CLASP2: variants seen among roughly 807,000 people sequenced by gnomAD.
CLASP2 encodes CLIP-associating protein 2.
Under a neutral mutation model 194.4 loss-of-function variants are expected in CLASP2, and 47 were observed. That is an observed-to-expected ratio of 0.24 (90% CI 0.19 to 0.31). CLASP2 has a LOEUF of 0.31. Ranked by LOEUF, CLASP2 falls within the 10% of genes least tolerant of loss-of-function variation. The probability of loss-of-function intolerance (pLI) is 1.00; values close to 1 mark genes in which losing one functional copy is unlikely to be tolerated. For synonymous variants in CLASP2, 619 were observed against 633.5 expected (o/e 0.98, Z 0.34); for missense variants, 1,445 against 1,823.6 (o/e 0.79, Z 3.78).
chr3:33,552,957 T>C (rs1252113243), intron 29 of CLASP2, among the ~76,000 whole-genome samples: 3 of 152,190 alleles, frequency 2.0e-5, no homozygotes, highest in Admixed American at 6.5e-5. Flanking sequence ...GCATATGACA[T>C]AGTACACAGT....
chr3:33,703,921 C>T (rs2092534233), intron 1 of CLASP2, among the ~76,000 whole-genome samples: 1 of 152,194 alleles, frequency 6.6e-6, no homozygotes, highest in Admixed American at 6.5e-5. Flanking sequence ...AGGAAATGAG[C>T]TATCAAGGCA....
At chr3:33,660,243 G>C (rs535518716) in intron 7 of CLASP2, among the ~76,000 whole-genome samples, 1 of 152,280 alleles carries the variant, frequency 6.6e-6, no homozygotes, top group South Asian at 2.1e-4. Context: ...TAATCGCAGG[G>C]GGTCTCCAAC....
chr3:33,681,444 C>G (rs1439558474), intron 6 of CLASP2, among the ~76,000 whole-genome samples: 2 of 135,592 alleles, frequency 1.5e-5, no homozygotes, highest in Non-Finnish European at 3.3e-5. Flanking sequence ...CCCGTAAAGT[C>G]GCCTTGCTCT....
At chr3:33,519,529 GA>G (rs1411685147) in intron 34 of CLASP2, among the ~76,000 whole-genome samples, 1 of 151,836 alleles carries the variant, frequency 6.6e-6, no homozygotes, top group Non-Finnish European at 1.5e-5. Flanking sequence ...GAGAATAAAA[GA>G]AAAATCAGAA....
rs886859075 is a variant in CLASP2, at chr3:33,535,456, A to G, written c.3564T>C (p.Cys1188=). The G allele has an allele frequency of 1.7e-5, 28 of 1,612,554 alleles. No homozygotes were observed. Among genetic ancestry groups the G allele is most frequent in the Non-Finnish European group, 2.2e-5 (26 of 1,178,960 alleles). Residue 1188 remains cysteine (C), a synonymous_variant, in exon 34 of 39, where the codon TGT becomes TGC. Coordinates refer to ENST00000682230, the MANE Select transcript of CLASP2 (RefSeq NM_001365631.1). ...DSKKDDGDSM[C]GGPGMSDPRA... is the part of the protein sequence containing the mutation. Reference sequence around the variant, plus strand: ...TTGGGTCAGACATCCCAGGACCACCACACATCTATCAATGGGAAGTGAAAG... The same window carrying G: ...TTGGGTCAGACATCCCAGGACCACCGCACATCTATCAATGGGAAGTGAAAG...
chr3:33,668,909 G>A (rs925742921), intron 6 of CLASP2, among the ~76,000 whole-genome samples: 3 of 152,206 alleles, frequency 2.0e-5, no homozygotes, highest in Non-Finnish European at 4.4e-5. Flanking sequence ...GGGAGAAATG[G>A]TAAGAATGGC....
chr3:33,498,516 A>G lies in CLASP2; in HGVS notation c.*115T>C, dbSNP rs938547974. On this transcript the variant is annotated 3_prime_UTR_variant, in exon 39 of 39. Transcript: ENST00000682230. Reference sequence around the variant, plus strand: ...CAAAACGAAACGAAACAAAAAACTAAAACTGGGAAACAATAGTAAGTTCCA... The same window carrying G: ...CAAAACGAAACGAAACAAAAAACTAGAACTGGGAAACAATAGTAAGTTCCA... 4 of 636,256 alleles carry G rather than the reference A, an allele frequency of 6.3e-6. No individual in the cohort carries two copies. The African/African-American group carries it at 7.4e-5, about 12-fold the overall frequency. 39.4% of individuals were successfully genotyped at this position (636,256 alleles called of 1,614,324 possible).
intron 6 of CLASP2, among the ~76,000 whole-genome samples, chr3:33,670,464 T>C (rs545646040): frequency 6.6e-6 from 1 of 152,220 alleles, no homozygotes; most frequent in Non-Finnish European, 1.5e-5. Flanking sequence ...TTCCTGCCTC[T>C]GATTTCCATA....
intron 21 of CLASP2, chr3:33,588,750 A>G: frequency 1.4e-6 from 1 of 702,240 alleles, no homozygotes; most frequent in South Asian, 1.5e-5. Flanking sequence ...GTGTAAAGGC[A>G]GAATTAGGGT....
intron 1 of CLASP2, among the ~76,000 whole-genome samples, chr3:33,699,839 C>T (rs1191940999): frequency 2.8e-5 from 4 of 144,250 alleles, no homozygotes; most frequent in Admixed American, 1.4e-4. Context: ...TAAGTGAAAC[C>T]GTAGAAAGCA....
intron 29 of CLASP2, among the ~76,000 whole-genome samples, chr3:33,551,795 C>T (rs548104225): frequency 2.6e-5 from 4 of 152,170 alleles, no homozygotes; most frequent in Non-Finnish European, 5.9e-5. Flanking sequence ...TAAATCAGCC[C>T]TCAGAGCTTA....
chr3:33,574,304 A>G (rs946485257), intron 24 of CLASP2, among the ~76,000 whole-genome samples: 26 of 152,146 alleles, frequency 1.7e-4, no homozygotes, highest in African/African-American at 5.3e-4. Flanking sequence ...TCCAGAGGAC[A>G]TTATTCAAGC....
intron 6 of CLASP2, among the ~76,000 whole-genome samples, chr3:33,675,212 A>AGTACTG (rs1205291936): frequency 2.0e-5 from 3 of 151,744 alleles, no homozygotes; most frequent in African/African-American, 7.2e-5. Context: ...AACCGAATCC[A>AGTACTG]GCAGCACATC....
intron 33 of CLASP2, 64 bp from the exon 34 acceptor site, chr3:33,535,525 T>C: frequency 7.8e-7 from 1 of 1,279,852 alleles, no homozygotes; most frequent in South Asian, 1.4e-5. Context: ...TTTAACATTC[T>C]AAAAAGATAT....
chr3:33,576,326 A>G, intron 23 of CLASP2, 51 bp from the exon 24 acceptor site: 1 of 1,453,376 alleles, frequency 6.9e-7, no homozygotes, highest in Non-Finnish European at 9.6e-7. Context: ...TAAATATAAC[A>G]GTGTCAGGTT....
At chr3:33,608,541 G>A (rs1198101270) in intron 14 of CLASP2, 26 bp downstream of exon 14, 5 of 1,573,466 alleles carry the variant, frequency 3.2e-6, no homozygotes, top group Non-Finnish European at 3.5e-6. Flanking sequence ...GGAGGAAAGT[G>A]GGAGGAAGGA....
At position 33,712,124 on chromosome 3, in the gene CLASP2, T is replaced by G. The variant is rs555512870; in HGVS notation, c.195+5684A>C. ...ATATGGAACCAACCTAAGTGCCCAT[T>G]AACCAATGAGTGAATAAAGAAAATG... On this transcript the variant is annotated intron_variant, in intron 1 of 38. Coordinates refer to ENST00000682230, the MANE Select transcript of CLASP2 (RefSeq NM_001365631.1). Among the ~76,000 whole-genome samples, 3 of 152,322 alleles carry G rather than the reference T, an allele frequency of 2.0e-5. No individual in the cohort carries two copies. In the East Asian group the frequency reaches 5.8e-4, roughly 29 times the overall value.
intron 34 of CLASP2, among the ~76,000 whole-genome samples, chr3:33,532,577 A>T (rs2056560642): frequency 1.3e-5 from 2 of 152,154 alleles, no homozygotes; most frequent in Admixed American, 1.3e-4. Flanking sequence ...TATTATTGGG[A>T]CAGCTGGCAA....
At chr3:33,629,419 C>A in intron 9 of CLASP2, among the ~76,000 whole-genome samples, 1 of 152,208 alleles carries the variant, frequency 6.6e-6, no homozygotes, top group East Asian at 1.9e-4. Context: ...AAGGAATGCA[C>A]AGCAGAGAAG....
Sources: gnomAD v4.1 joint callset for allele counts (sites outside exome capture counted in the v4.1 genomes callset) on GRCh38, gnomAD v4.1.1 for gene constraint, MANE v1.5 for transcripts, NCBI Gene and HGNC (gene_info 2026-07-23, HGNC 2026-07-21) for gene names.